Variants in INSYN2B observed in about 807,000 individuals in gnomAD.
The protein encoded by INSYN2B is protein INSYN2B.
In INSYN2B, 16 loss-of-function variants were observed where a neutral mutation model predicts 41.2. That is an observed-to-expected ratio of 0.39 (90% CI 0.26 to 0.59). The LOEUF (loss-of-function observed/expected upper bound fraction) is 0.59. Ranked by LOEUF, INSYN2B falls within the 20% of genes least tolerant of loss-of-function variation. The pLI is 0.57. For missense variants in INSYN2B, 608 were observed against 646.4 expected (o/e 0.94, Z 0.64); for synonymous variants, 245 against 244.4 (o/e 1.00, Z -0.02).
At chr5:169,924,800 A>G (rs566035686) in intron 1 of INSYN2B, among the ~76,000 whole-genome samples, 1 of 152,174 alleles carries the variant, frequency 6.6e-6, no homozygotes, top group South Asian at 2.1e-4. Context: ...GTATCCTGGG[A>G]CGCTCTTTGG....
chr5:169,927,087 TGAAGAGTGG>T (rs1775498761), intron 1 of INSYN2B, among the ~76,000 whole-genome samples: 1 of 152,112 alleles, frequency 6.6e-6, no homozygotes. Flanking sequence ...ATATGCTACA[TGAAGAGTGG>T]GAAGAGCAAA....
intron 1 of INSYN2B, among the ~76,000 whole-genome samples, chr5:169,979,884 C>G (rs1443774046): frequency 6.6e-6 from 1 of 152,174 alleles, no homozygotes; most frequent in Non-Finnish European, 1.5e-5. Context: ...GCCACTCTCT[C>G]TAGATGGGGA....
intron 1 of INSYN2B, among the ~76,000 whole-genome samples, chr5:169,957,499 C>G (rs1776918282): frequency 6.6e-6 from 1 of 152,290 alleles, no homozygotes; most frequent in East Asian, 1.9e-4. Context: ...TCCCACTGAA[C>G]AGATGAGAAA....
At chr5:169,871,571 A>G (rs566149653) in intron 3 of INSYN2B, among the ~76,000 whole-genome samples, 64 of 152,376 alleles carry the variant, frequency 4.2e-4, no homozygotes, top group African/African-American at 1.4e-3. Flanking sequence ...AAGGGCATGT[A>G]AATATAAGTG....
At chr5:169,940,548 C>T (rs1162255636) in intron 1 of INSYN2B, among the ~76,000 whole-genome samples, 2 of 151,980 alleles carry the variant, frequency 1.3e-5, no homozygotes, top group East Asian at 3.8e-4. Flanking sequence ...CAATGGGAAC[C>T]CTGAGCTTGT....
chr5:169,918,080 TG>T (rs1207200458), intron 1 of INSYN2B, among the ~76,000 whole-genome samples: 1 of 152,178 alleles, frequency 6.6e-6, no homozygotes, highest in Non-Finnish European at 1.5e-5. Context: ...CTTCCTATTT[TG>T]GGGGAAAAAG....
intron 1 of INSYN2B, among the ~76,000 whole-genome samples, chr5:169,919,595 G>A (rs757568059): frequency 6.6e-6 from 1 of 152,172 alleles, no homozygotes; most frequent in Admixed American, 6.5e-5. Flanking sequence ...TTGAAGAAGT[G>A]GTAAGTGTAT....
chr5:169,889,945 T>C (rs1051143026), intron 1 of INSYN2B, among the ~76,000 whole-genome samples: 2 of 152,260 alleles, frequency 1.3e-5, no homozygotes, highest in African/African-American at 2.4e-5. Flanking sequence ...GTCCCTTCTC[T>C]GAACTTAGTA....
chr5:169,903,105 A>T (rs1437428793), intron 1 of INSYN2B, among the ~76,000 whole-genome samples: 1 of 151,906 alleles, frequency 6.6e-6, no homozygotes, highest in South Asian at 2.1e-4. Context: ...TCAAAAAAAA[A>T]AGAAAGAAAG....
intron 1 of INSYN2B, among the ~76,000 whole-genome samples, chr5:169,904,184 G>C (rs1043725794): frequency 1.5e-4 from 23 of 151,736 alleles, no homozygotes; most frequent in African/African-American, 5.3e-4. Flanking sequence ...GGTAAAAGCA[G>C]CATACTGACC....
chr5:169,900,191 C>A (rs261057), intron 1 of INSYN2B, among the ~76,000 whole-genome samples: 45,991 of 152,032 alleles, frequency 0.3, 9,013 homozygotes, highest in African/African-American at 0.56. Context: ...CACGGTAAGA[C>A]GCAAGCTTTA....
chr5:169,912,240 T>G (rs540690581), intron 1 of INSYN2B, among the ~76,000 whole-genome samples: 13 of 152,288 alleles, frequency 8.5e-5, no homozygotes, highest in African/African-American at 2.6e-4. Flanking sequence ...ATTTATTTAT[T>G]TAGAAAATGG....
At chr5:169,908,713 CTTTTT>C (rs34261104) in intron 1 of INSYN2B, among the ~76,000 whole-genome samples, 2 of 105,070 alleles carry the variant, frequency 1.9e-5, no homozygotes, top group African/African-American at 3.8e-5. Flanking sequence ...TTTCTTTTTT[CTTTTT>C]TTTTTTTTTT....
intron 1 of INSYN2B, among the ~76,000 whole-genome samples, chr5:169,894,255 A>T (rs1264189366): frequency 1.3e-5 from 2 of 152,198 alleles, no homozygotes; most frequent in Non-Finnish European, 2.9e-5. Flanking sequence ...GTGGTCTGGC[A>T]GGACCAAAAG....
At chr5:169,909,478 T>C (rs927117733) in intron 1 of INSYN2B, among the ~76,000 whole-genome samples, 13 of 152,226 alleles carry the variant, frequency 8.5e-5, no homozygotes, top group African/African-American at 2.9e-4. Context: ...ATATTTGGTT[T>C]TGGATTCACA....
chr5:169,878,584 T>C (rs921807280), intron 3 of INSYN2B, among the ~76,000 whole-genome samples: 17 of 152,238 alleles, frequency 1.1e-4, no homozygotes, highest in Non-Finnish European at 2.4e-4. Context: ...AGGAAGGTTT[T>C]AAAGACGTTC....
In INSYN2B at chr5:169,884,021, G is replaced by C. The variant is rs1772827719; in HGVS notation, c.-123C>G. ...GAGAACTGCTGGCCAGGATGGAGTG[G>C]TCCTCTCCTCTTAGTATGGGAAATC... On this transcript the variant is annotated 5_prime_UTR_variant, in exon 2 of 4. Transcript: ENST00000377365. The C allele has an allele frequency of 1.1e-6, 1 of 908,184 alleles. No homozygotes were observed. The highest frequency in any genetic ancestry group is 1.7e-5 in the African/African-American group (1 of 60,094). 56.3% of individuals were successfully genotyped at this position (908,184 alleles called of 1,614,324 possible). A position where few individuals can be genotyped will look rare whatever the true frequency, so the allele number is the denominator to read the frequency against.
intron 1 of INSYN2B, chr5:169,934,905 T>C (rs1193352719): frequency 2.9e-6 from 1 of 340,718 alleles, no homozygotes. Context: ...TTTATTCTGA[T>C]TAAACAACAA....
At position 169,942,306 on chromosome 5, in the gene INSYN2B, A is replaced by C. The variant is rs146696219; in HGVS notation, c.-919+37971T>G. ...GACTTCTGACTTCTCTGAATCATGA[A>C]GTGGATCCATGCCTCTCCCATGGTC... is the stretch of plus-strand genomic sequence containing the variant. On this transcript the variant is annotated intron_variant, in intron 1 of 3. Transcript: ENST00000377365. Among the ~76,000 whole-genome samples the C allele has an allele frequency of 3.5e-3, 529 of 152,286 alleles. 5 individuals carry two copies. In the South Asian group the frequency reaches 0.043, roughly 12 times the overall value.
Sources: gnomAD v4.1 joint callset for allele counts (sites outside exome capture counted in the v4.1 genomes callset) on GRCh38, gnomAD v4.1.1 for gene constraint, MANE v1.5 for transcripts, NCBI Gene and HGNC (gene_info 2026-07-23, HGNC 2026-07-21) for gene names.